The following PCDHA3 variants were observed in gnomAD, a reference collection of about 807,000 sequenced individuals.
PCDHA3 encodes the protein protocadherin alpha 3.
A neutral mutation model predicts 62.2 loss-of-function variants in PCDHA3; 41 were observed. That is an observed-to-expected ratio of 0.66 (90% CI 0.51 to 0.86). The LOEUF is 0.86. PCDHA3 is among the 40% of genes least tolerant of loss of function. The probability of loss-of-function intolerance (pLI) is 0.00; values close to 1 mark genes in which losing one functional copy is unlikely to be tolerated. For synonymous variants in PCDHA3, 640 were observed against 555.4 expected, an observed-to-expected ratio of 1.15 and a Z score of -2.14; for missense variants, 1,304 against 1,241.2, an observed-to-expected ratio of 1.05 and a Z score of -0.76.
chr5:140,919,867 G>A (rs2079334985), intron 1 of PCDHA3, among the ~76,000 whole-genome samples: 1 of 152,178 alleles, frequency 6.6e-6, no homozygotes, highest in Non-Finnish European at 1.5e-5. Context: ...TTGGAAATAA[G>A]TCTTTGAAGA....
intron 3 of PCDHA3, among the ~76,000 whole-genome samples, chr5:141,002,223 T>C (rs2098066619): frequency 6.6e-6 from 1 of 151,974 alleles, no homozygotes. Flanking sequence ...AAATGATGGG[T>C]TTTCTGGAAG....
chr5:140,802,606 C>T lies in PCDHA3; in HGVS notation c.1409C>T (p.Pro470Leu), dbSNP rs782355104. The T allele has an allele frequency of 3.7e-6, 6 of 1,613,820 alleles. No individual in the cohort carries two copies. Among genetic ancestry groups the T allele is most frequent in the Non-Finnish European group, 4.2e-6 (5 of 1,179,948 alleles). ...YTVFVKENNP[P>L]GCHIFTVSAR... ...GTGTTCGTGAAGGAGAACAACCCGC[C>T]GGGCTGCCACATCTTCACGGTGTCT... Residue 470 changes from proline to leucine, a missense_variant, in exon 1 of 4, where the codon CCG becomes CTG. Pro to Leu is a moderately conservative substitution (Grantham distance 98). Transcript: ENST00000522353.
At chr5:140,806,849 A>G (rs1581679639) in intron 1 of PCDHA3, 1 of 286,560 alleles carries the variant, frequency 3.5e-6, no homozygotes, top group South Asian at 7.5e-5. Flanking sequence ...CACTCAATCA[A>G]TCAGTGGTAC....
intron 1 of PCDHA3, chr5:140,830,402 G>A: frequency 6.2e-7 from 1 of 1,614,186 alleles, no homozygotes; most frequent in Non-Finnish European, 8.5e-7. Flanking sequence ...GGATCTCATG[G>A]CCTTTAGCCC....
chr5:140,808,814 C>G, intron 1 of PCDHA3: 1 of 1,612,774 alleles, frequency 6.2e-7, no homozygotes. Context: ...TGCCGGCGTG[C>G]CACCTCTGGG....
At chr5:140,951,948 A>G (rs2153694438) in intron 1 of PCDHA3, among the ~76,000 whole-genome samples, 1 of 152,322 alleles carries the variant, frequency 6.6e-6, no homozygotes, top group South Asian at 2.1e-4. Context: ...GTGCGGGTAC[A>G]GGCATTGGGT....
At chr5:140,922,181 A>G (rs2080696715) in intron 1 of PCDHA3, among the ~76,000 whole-genome samples, 1 of 152,324 alleles carries the variant, frequency 6.6e-6, no homozygotes, top group South Asian at 2.1e-4. Context: ...GCAGACAAAA[A>G]AAAAGTCTTA....
At position 140,853,369 on chromosome 5, in the gene PCDHA3, T is replaced by A. The variant is rs1471724448; in HGVS notation, c.2394+49778T>A. On this transcript the variant is annotated intron_variant, in intron 1 of 3. Transcript: ENST00000522353. ...ACATGAACTCACAGGGATCCAGAGA[T>A]GGTAAAATTCAAAACAGCCTGTCAA... is the stretch of plus-strand genomic sequence containing the variant. 3.1e-6 allele frequency: 3 copies of A among 982,868 alleles called. 1 individual carries two copies. The highest frequency in any genetic ancestry group is 3.7e-6 in the Non-Finnish European group (3 of 815,606). The allele number at this position is 982,868 out of a possible 1,614,324, so 60.9% of individuals were successfully genotyped here.
chr5:140,808,935 G>A, intron 1 of PCDHA3: 1 of 1,613,714 alleles, frequency 6.2e-7, no homozygotes, highest in Non-Finnish European at 8.5e-7. Flanking sequence ...CTGGTGCCAT[G>A]GTCGGTGGGT....
At chr5:140,916,186 G>A (rs1321442931) in intron 1 of PCDHA3, among the ~76,000 whole-genome samples, 3 of 152,160 alleles carry the variant, frequency 2.0e-5, no homozygotes, top group Admixed American at 6.5e-5. Flanking sequence ...CTTCAAGGAA[G>A]TGGGCACCCC....
rs150805116 is a variant in PCDHA3, at chr5:140,977,093, T to C, written c.2395-1856T>C. On this transcript the variant is annotated intron_variant, in intron 1 of 3. Coordinates refer to ENST00000522353, the MANE Select transcript of PCDHA3 (RefSeq NM_018906.3). ...GCAGCATGACAAATTAAATGTGTCA[T>C]TGGGGAAGTGAGATTGTATAATGAA... 6.6e-5 allele frequency among the ~76,000 whole-genome samples: 10 copies of C among 152,320 alleles called. No homozygotes were observed. The East Asian group carries it at 1.7e-3, about 26-fold the overall frequency.
intron 1 of PCDHA3, chr5:140,811,534 C>T (rs1764897119): frequency 6.6e-6 from 1 of 151,892 alleles, no homozygotes; most frequent in African/African-American, 2.4e-5. Context: ...AGTAATGGGT[C>T]AAATGGTATT....
Position 140,802,741 on chromosome 5 carries a change from G to C in PCDHA3, c.1544G>C (p.Gly515Ala). 1 of 1,612,594 alleles carries C rather than the reference G, an allele frequency of 6.2e-7. No individual in the cohort carries two copies. Among genetic ancestry groups the C allele is most frequent in the Non-Finnish European group, 8.5e-7 (1 of 1,179,806 alleles). The stretch of plus-strand genomic sequence containing the variant: ...TACGTGTCGGTACACGCGGAGAGCG[G>C]CAAGGTGTACGCGCTGCAGCCGCTG... The part of the protein sequence containing the change: ...SSYVSVHAES[G>A]KVYALQPLDH... Residue 515 changes from glycine to alanine, a missense_variant, in exon 1 of 4, where the codon GGC becomes GCC. Gly to Ala is a moderately conservative substitution (Grantham distance 60). Transcript: ENST00000522353.
At position 140,855,056 on chromosome 5, in the gene PCDHA3, G is replaced by A. The variant is rs1045590902; in HGVS notation, c.2394+51465G>A. The stretch of plus-strand genomic sequence containing the variant: ...GATTTTTCTGTAATAGTACTTTTCT[G>A]TTTTCTTAAATACAGAAACCACCAC... On this transcript the variant is annotated intron_variant, in intron 1 of 3. Coordinates refer to ENST00000522353, the MANE Select transcript of PCDHA3 (RefSeq NM_018906.3). Among the ~76,000 whole-genome samples, 11 of 149,630 alleles carry A rather than the reference G, an allele frequency of 7.4e-5. 2 individuals are homozygous for A. The highest frequency in any genetic ancestry group is 1.6e-4 in the Non-Finnish European group (11 of 66,976).
intron 1 of PCDHA3, among the ~76,000 whole-genome samples, chr5:140,918,885 T>G (rs2078908612): frequency 6.6e-6 from 1 of 152,202 alleles, no homozygotes; most frequent in Non-Finnish European, 1.5e-5. Context: ...TCTAGAACAG[T>G]GAAAAATAAA....
chr5:140,821,856 C>G, intron 1 of PCDHA3: 1 of 1,614,160 alleles, frequency 6.2e-7, no homozygotes, highest in East Asian at 2.2e-5. Flanking sequence ...AGGCAGGGAG[C>G]GGCCAGCTCC....
At position 140,997,702 on chromosome 5, in the gene PCDHA3, T is replaced by A. The variant is rs548432387; in HGVS notation, c.2543-11925T>A. Reference sequence around the variant, plus strand: ...TGTGTGTGTGTGTGTGTGTGTATGTTAACAAACACCTTTCTACGTCAGTAC... The same window carrying A: ...TGTGTGTGTGTGTGTGTGTGTATGTAAACAAACACCTTTCTACGTCAGTAC... On this transcript the variant is annotated intron_variant, in intron 3 of 3. Coordinates refer to ENST00000522353, the MANE Select transcript of PCDHA3 (RefSeq NM_018906.3). 1.4e-3 allele frequency among the ~76,000 whole-genome samples: 209 copies of A among 150,856 alleles called. 1 individual carries two copies. The highest frequency in any genetic ancestry group is 4.8e-3 in the African/African-American group (199 of 41,058).
At chr5:140,960,380 A>G (rs2095544105) in intron 1 of PCDHA3, among the ~76,000 whole-genome samples, 2 of 152,200 alleles carry the variant, frequency 1.3e-5, no homozygotes, top group African/African-American at 4.8e-5. Flanking sequence ...TTAAGTGCCA[A>G]GACATTAGGA....
At chr5:140,877,166 T>C in intron 1 of PCDHA3, 3 of 1,613,836 alleles carry the variant, frequency 1.9e-6, no homozygotes, top group Non-Finnish European at 2.5e-6. Context: ...GCGCCGGCAC[T>C]GCTGGCGACT....
Sources: gnomAD v4.1 joint callset for allele counts (sites outside exome capture counted in the v4.1 genomes callset) on GRCh38, gnomAD v4.1.1 for gene constraint, MANE v1.5 for transcripts, NCBI Gene and HGNC (gene_info 2026-07-23, HGNC 2026-07-21) for gene names.